The following CCDC88B variants were observed in gnomAD, a reference collection of about 807,000 sequenced individuals.
CCDC88B encodes the protein coiled-coil domain-containing protein 88B.
In CCDC88B, 138 loss-of-function variants were observed where a neutral mutation model predicts 183.7. The observed-to-expected ratio is 0.75, with a 90% CI of 0.65 to 0.87. The LOEUF (loss-of-function observed/expected upper bound fraction) is 0.87. Among genes scored for constraint, CCDC88B ranks in the 40% least tolerant of loss-of-function variants. CCDC88B has a pLI of 0.00. For synonymous variants in CCDC88B, 835 were observed against 867.5 expected (o/e 0.96, Z 0.66); for missense variants, 1,822 against 1,965.6 (o/e 0.93, Z 1.38).
Position 64,349,660 on chromosome 11 carries a change from C to G in CCDC88B, c.2854C>G (p.Leu952Val), listed in dbSNP as rs1262802681. 1 of 1,592,332 alleles carries G rather than the reference C, an allele frequency of 6.3e-7. No individual in the cohort carries two copies. The highest frequency in any genetic ancestry group is 1.3e-5 in the African/African-American group (1 of 74,694). The stretch of plus-strand genomic sequence containing the variant: ...CAGGGCCCTGCAGCTGGAAGAGGAG[C>G]TGTTCCAGGTGATGCCTGCCCGCCT... ...KTRALQLEEE[L>V]FQLRQGPAGL... The change falls in exon 16 of 27, where the codon CTG becomes GTG. Residue 952 changes from leucine (L) to valine (V), a missense_variant. Transcript: ENST00000356786.
chr11:64,354,798 T>C, intron 24 of CCDC88B, among the ~76,000 whole-genome samples: 1 of 101,174 alleles, frequency 9.9e-6, no homozygotes, highest in Non-Finnish European at 1.9e-5. Flanking sequence ...CCTCCCTGCA[T>C]AAGCCTCAGC....
rs772606939 is a variant in CCDC88B at position 64,357,040 on chromosome 11, C to T, written c.4377C>T (p.Gly1459=). The T allele has an allele frequency of 5.0e-6, 8 of 1,587,482 alleles. No individual in the cohort carries two copies. The East Asian group carries it at 1.6e-4, about 31-fold the overall frequency. The part of the protein sequence containing the change: ...QEHETDANRE[G]PEVQEPEKRP... ...TCTCAGCTGAGCCTTTCCCTCTAGG[C>T]CCTGAGGTACAGGAACCGGAGAAAC... Residue 1459 remains glycine, a splice_region_variant and synonymous_variant, in exon 27 of 27, where the codon GGC becomes GGT. Transcript: ENST00000356786.
Position 64,342,644 on chromosome 11 carries a change from G to A in CCDC88B, c.1026G>A (p.Arg342=). ...AGGAGCTGAGGCGCTGCCGCGAGCGGCTGCAGGCGGCTGAGGCCTACAAGA... is the reference window on the plus strand; with the variant it reads ...AGGAGCTGAGGCGCTGCCGCGAGCGACTGCAGGCGGCTGAGGCCTACAAGA... ...LQEELRRCRE[R]LQAAEAYKSQ... Residue 342 remains arginine (R), a synonymous_variant, in exon 10 of 27, where the codon CGG becomes CGA. Coordinates refer to ENST00000356786, the MANE Select transcript of CCDC88B (RefSeq NM_032251.6). The A allele has an allele frequency of 6.6e-7, 1 of 1,520,172 alleles. No homozygotes were observed. Among genetic ancestry groups the A allele is most frequent in the Non-Finnish European group, 8.8e-7 (1 of 1,140,830 alleles). The allele number at this position is 1,520,172 out of a possible 1,614,324, so 94.2% of individuals were successfully genotyped here.
In CCDC88B at chr11:64,342,326, A is replaced by T; in HGVS notation, c.854A>T (p.Gln285Leu). The change falls in exon 9 of 27, where the codon CAG becomes CTG. Residue 285 changes from glutamine (Q) to leucine (L), a missense_variant. Coordinates refer to ENST00000356786, the MANE Select transcript of CCDC88B (RefSeq NM_032251.6). ...AAGGCCGAGCTGCTGCTAGACTCCCAGGCCGAGGTGCAGGGTTTGGAGGCC... is the reference window on the plus strand; with the variant it reads ...AAGGCCGAGCTGCTGCTAGACTCCCTGGCCGAGGTGCAGGGTTTGGAGGCC... ...EEKAELLLDS[Q>L]AEVQGLEAEI... is the part of the protein sequence containing the mutation. 6.3e-7 allele frequency: 1 copy of T among 1,594,894 alleles called. No individual in the cohort carries two copies. The highest frequency in any genetic ancestry group is 1.8e-5 in the Admixed American group (1 of 57,004).
At chr11:64,348,439 G>A (rs895489937) in intron 14 of CCDC88B, among the ~76,000 whole-genome samples, 5 of 152,192 alleles carry the variant, frequency 3.3e-5, no homozygotes, top group Admixed American at 6.5e-5. Flanking sequence ...GGGGCTGGGC[G>A]GGAGGTTCTA....
chr11:64,340,721 G>A lies in CCDC88B; in HGVS notation c.175G>A (p.Gly59Arg). 1 of 1,612,326 alleles carries A rather than the reference G, an allele frequency of 6.2e-7. No homozygotes were observed. The highest frequency in any genetic ancestry group is 8.5e-7 in the Non-Finnish European group (1 of 1,179,656). ...GAAGAGATTCCTGCGCCTCAGCGAT[G>A]GGGCCCTGCTCCTCCGGGTGCTGGG... is the stretch of plus-strand genomic sequence containing the variant. ...LEKRFLRLSD[G>R]ALLLRVLGII... The change falls in exon 2 of 27, where the codon GGG becomes AGG. Residue 59 changes from glycine to arginine, a missense_variant. Transcript: ENST00000356786.
chr11:64,353,886 A>G, intron 23 of CCDC88B, 73 bp downstream of exon 23: 10 of 1,593,864 alleles, frequency 6.3e-6, no homozygotes, highest in Non-Finnish European at 8.6e-6. Flanking sequence ...CTCTGACCCC[A>G]GGCCCAGCTC....
chr11:64,344,567 C>T lies in CCDC88B; in HGVS notation c.2026C>T (p.Gln676Ter), dbSNP rs2036024350. The T allele has an allele frequency of 2.5e-6, 4 of 1,606,636 alleles. No individual in the cohort carries two copies. The highest frequency in any genetic ancestry group is 3.4e-6 in the Non-Finnish European group (4 of 1,176,482). ...CCAGGGCCTGGACCTGGCCACGGGACAAGCAGAGGCCAGAGAGCATGACCA... is the reference window on the plus strand; with the variant it reads ...CCAGGGCCTGGACCTGGCCACGGGATAAGCAGAGGCCAGAGAGCATGACCA... ...PNQGLDLATG[Q>*]AEAREHDQRL... is the part of the protein sequence containing the mutation. Residue 676 changes from glutamine to a stop codon, truncating the protein, a stop_gained, in exon 14 of 27, where the codon CAA becomes TAA. Coordinates refer to ENST00000356786, the MANE Select transcript of CCDC88B (RefSeq NM_032251.6). LOFTEE classifies it high-confidence loss of function. This position sits in a 1 kb window ranked among gnomAD's most constrained non-coding sequence, Gnocchi z 4.5.
In CCDC88B at chr11:64,355,200, C is replaced by T. The variant is rs370591594; in HGVS notation, c.4106C>T (p.Pro1369Leu). 2.0e-6 allele frequency: 3 copies of T among 1,489,366 alleles called. No homozygotes were observed. The highest frequency in any genetic ancestry group is 2.8e-5 in the African/African-American group (2 of 70,330). 92.3% of individuals were successfully genotyped at this position (1,489,366 alleles called of 1,614,324 possible). The change falls in exon 25 of 27, where the codon CCT (proline) becomes CTT (leucine). Residue 1369 changes from proline (P) to leucine (L), a missense_variant. Transcript: ENST00000356786. ...CTGCATGTACCTCTTGCAGGGTCCC[C>T]TTCCCCGGCACCCATGCGCCGGGCC... ...EGREADGTGSPSPAPMRRAQS... is the reference protein window; with the variant it reads ...EGREADGTGSLSPAPMRRAQS...
At chr11:64,349,024 C>T (rs775329657) in intron 14 of CCDC88B, 16 of 717,600 alleles carry the variant, frequency 2.2e-5, no homozygotes, top group African/African-American at 1.2e-4. Context: ...CCTTTCACTG[C>T]GCACATGAAG....
chr11:64,357,031 C>T lies in CCDC88B; in HGVS notation c.4376-8C>T, dbSNP rs1172586694. 1.3e-6 allele frequency: 2 copies of T among 1,571,402 alleles called. No homozygotes were observed. Among genetic ancestry groups the T allele is most frequent in the Admixed American group, 1.8e-5 (1 of 55,310 alleles). On this transcript the variant is annotated splice_region_variant and splice_polypyrimidine_tract_variant and intron_variant, in intron 26 of 26. Transcript: ENST00000356786. Reference sequence around the variant, plus strand: ...GGAAGCAGATCTCAGCTGAGCCTTTCCCTCTAGGCCCTGAGGTACAGGAAC... The same window carrying T: ...GGAAGCAGATCTCAGCTGAGCCTTTTCCTCTAGGCCCTGAGGTACAGGAAC...
Position 64,353,055 on chromosome 11 carries a change from G to C in CCDC88B, c.3502G>C (p.Ala1168Pro). ...LRRLQSEHDR[A>P]QMLLAELSRE... is the part of the protein sequence containing the mutation. ...GAGCAGCTCTCCTTGCCTCCCAAGG[G>C]CTCAGATGCTGCTGGCAGAGTTGTC... The change falls in exon 21 of 27, where the codon GCT becomes CCT. Residue 1168 changes from alanine to proline, a missense_variant and splice_region_variant. Transcript: ENST00000356786. 3 of 1,596,804 alleles carry C rather than the reference G, an allele frequency of 1.9e-6. No homozygotes were observed. Among genetic ancestry groups the C allele is most frequent in the South Asian group, 1.1e-5 (1 of 88,402 alleles).
rs2036364831 is a variant in CCDC88B at position 64,352,268 on chromosome 11, G to A, written c.3238G>A (p.Ala1080Thr). 1 of 1,598,858 alleles carries A rather than the reference G, an allele frequency of 6.3e-7. No individual in the cohort carries two copies. Among genetic ancestry groups the A allele is most frequent in the Non-Finnish European group, 8.5e-7 (1 of 1,173,264 alleles). Residue 1080 changes from alanine to threonine, a missense_variant, in exon 19 of 27, where the codon GCC becomes ACC. Physicochemically the swap from Ala to Thr is moderately conservative, Grantham distance 58 (BLOSUM62 0). Coordinates refer to ENST00000356786, the MANE Select transcript of CCDC88B (RefSeq NM_032251.6). ...GCAGGCCCTGCTTCGGGACCACAAG[G>A]CCCTGGCACAGCTGCAGCGGCGGCA... ...QQQALLRDHK[A>T]LAQLQRRQEA...
At position 64,341,172 on chromosome 11, in the gene CCDC88B, C is replaced by T; in HGVS notation, c.382C>T (p.Leu128Phe). ...PDLQTLGFDP[L>F]SEEAVEQLEG... ...CCTCCAGACATTGGGATTTGACCCT[C>T]TCTCAGGTGCTCTCCCCACCCACAC... Residue 128 changes from leucine (L) to phenylalanine (F), a missense_variant, in exon 4 of 27, where the codon CTC becomes TTC. Physicochemically the swap from Leu to Phe is conservative, Grantham distance 22. Coordinates refer to ENST00000356786, the MANE Select transcript of CCDC88B (RefSeq NM_032251.6). The T allele has an allele frequency of 1.2e-6, 2 of 1,614,144 alleles. No homozygotes were observed. Among genetic ancestry groups the T allele is most frequent in the Non-Finnish European group, 1.7e-6 (2 of 1,180,018 alleles).
chr11:64,342,916 T>G (rs1367450702), intron 10 of CCDC88B: 10 of 299,644 alleles, frequency 3.3e-5, no homozygotes, highest in Non-Finnish European at 5.5e-5. Flanking sequence ...GAAGGAGGGC[T>G]GTTCCCGGGG....
intron 16 of CCDC88B, chr11:64,350,687 A>G (rs1171491939): frequency 6.6e-6 from 1 of 152,178 alleles, no homozygotes; most frequent in African/African-American, 2.4e-5. Context: ...CTCCGTCTCA[A>G]AAAAACCCAA....
intron 17 of CCDC88B, 100 bp from the exon 18 acceptor site, chr11:64,351,376 C>CG (rs1251688142): frequency 1.3e-6 from 2 of 1,489,562 alleles, no homozygotes; most frequent in East Asian, 2.5e-5. Flanking sequence ...ACAGTGGGCC[C>CG]GGGGGTGGGG....
chr11:64,353,773 C>T lies in CCDC88B; in HGVS notation c.3892C>T (p.Gln1298Ter). 6.2e-7 allele frequency: 1 copy of T among 1,614,106 alleles called. No individual in the cohort carries two copies. The highest frequency in any genetic ancestry group is 8.5e-7 in the Non-Finnish European group (1 of 1,179,968). Residue 1298 changes from glutamine (Q) to a stop codon, truncating the protein, a stop_gained, in exon 23 of 27, where the codon CAA (glutamine) becomes TAA (stop). Coordinates refer to ENST00000356786, the MANE Select transcript of CCDC88B (RefSeq NM_032251.6). LOFTEE classifies it high-confidence loss of function. ...GAAGCTCGTGGAGAAGATCATGGAC[C>T]AATACCGCGTGCTGGAGCCTGTGCC... The part of the protein sequence containing the change: ...KQKLVEKIMD[Q>*]YRVLEPVPLP...
At chr11:64,342,456 T>A in intron 9 of CCDC88B, 66 bp from the exon 10 acceptor site, 7 of 1,540,784 alleles carry the variant, frequency 4.5e-6, no homozygotes, top group Non-Finnish European at 6.1e-6. Context: ...CCAACCCGGC[T>A]CCTTCCCGTC....
Sources: allele counts gnomAD v4.1 joint callset (sites outside exome capture counted in the v4.1 genomes callset), GRCh38; gene constraint gnomAD v4.1.1; non-coding constraint Gnocchi (gnomAD v3.1); transcripts MANE v1.5; gene names NCBI Gene and HGNC (gene_info 2026-07-23, HGNC 2026-07-21).